GALNT9: variants seen among roughly 807,000 people sequenced by gnomAD.
GALNT9 encodes the protein polypeptide N-acetylgalactosaminyltransferase 9.
In GALNT9, 47 loss-of-function variants were observed where a neutral mutation model predicts 63.1. That is an observed-to-expected ratio of 0.75 (90% confidence interval 0.59 to 0.95). The LOEUF (loss-of-function observed/expected upper bound fraction) is 0.95. Among genes scored for constraint, GALNT9 ranks in the 40% least tolerant of loss-of-function variants. The probability of loss-of-function intolerance (pLI) is 0.00; values close to 1 mark genes in which losing one functional copy is unlikely to be tolerated. For missense variants in GALNT9, 829 were observed against 874.8 expected (o/e 0.95, Z 0.66); for synonymous variants, 396 against 365.7 (o/e 1.08, Z -0.94).
At position 132,209,391 on chromosome 12, in the gene GALNT9, A is replaced by T. The variant is rs567317076; in HGVS notation, c.1078-5701T>A. 2.3e-3 allele frequency among the ~76,000 whole-genome samples: 344 copies of T among 150,820 alleles called. 1 individual carries two copies. The highest frequency in any genetic ancestry group is 7.6e-3 in the African/African-American group (314 of 41,342). Reference sequence around the variant, plus strand: ...AAAAATAAATAAATAAATAAATAAAAAATAAAAAATTAGCTGGGCATGGTG... The same window carrying T: ...AAAAATAAATAAATAAATAAATAAATAATAAAAAATTAGCTGGGCATGGTG... On this transcript the variant is annotated intron_variant, in intron 6 of 10. Transcript: ENST00000328957.
intron 1 of GALNT9, among the ~76,000 whole-genome samples, chr12:132,312,511 C>T (rs1379913782): frequency 6.6e-6 from 1 of 152,230 alleles, no homozygotes; most frequent in Non-Finnish European, 1.5e-5. Flanking sequence ...GTTGGGCCCC[C>T]ACCCCTCCCC....
intron 1 of GALNT9, among the ~76,000 whole-genome samples, chr12:132,307,519 AT>A (rs1270988135): frequency 6.6e-6 from 1 of 152,070 alleles, no homozygotes; most frequent in Admixed American, 6.5e-5. Context: ...TGCACCCTGA[AT>A]ACAATCACCA....
At chr12:132,255,769 A>G (rs1879083986) in intron 5 of GALNT9, among the ~76,000 whole-genome samples, 1 of 152,232 alleles carries the variant, frequency 6.6e-6, no homozygotes, top group South Asian at 2.1e-4. Flanking sequence ...ATACACATCC[A>G]GCAGGCTGCA....
chr12:132,306,943 G>A (rs1366117107), intron 1 of GALNT9, among the ~76,000 whole-genome samples: 1 of 152,212 alleles, frequency 6.6e-6, no homozygotes, highest in African/African-American at 2.4e-5. Flanking sequence ...TCACAGGGGA[G>A]GAGACGGCTG....
chr12:132,271,977 A>C (rs1265864186), intron 2 of GALNT9, among the ~76,000 whole-genome samples: 1 of 152,092 alleles, frequency 6.6e-6, no homozygotes, highest in Admixed American at 6.5e-5. Flanking sequence ...ACGTTTGCCA[A>C]CTGACCAAAC....
At chr12:132,250,291 G>A (rs1593084825) in intron 5 of GALNT9, among the ~76,000 whole-genome samples, 3 of 149,702 alleles carry the variant, frequency 2.0e-5, no homozygotes, top group South Asian at 2.1e-4. Flanking sequence ...GGGGCGGGGG[G>A]AACGGGGAGT....
Position 132,252,289 on chromosome 12 carries a change from A to G in GALNT9, c.960-4262T>C, listed in dbSNP as rs938828355. Among the ~76,000 whole-genome samples the G allele has an allele frequency of 4.4e-4, 67 of 152,322 alleles. No individual in the cohort carries two copies. Among genetic ancestry groups the G allele is most frequent in the Admixed American group, 1.9e-3 (29 of 15,304 alleles). ...AGGAAGGGCAGAGAGTCCCAGGCAC[A>G]TGGGCACCTCCTGCAGCCGCATCCC... is the stretch of plus-strand genomic sequence containing the variant. On this transcript the variant is annotated intron_variant, in intron 5 of 10. Transcript: ENST00000328957. The surrounding 1 kb of genome is among the most constrained non-coding windows in gnomAD (Gnocchi z 5.2).
chr12:132,284,871 C>A (rs767065699), intron 2 of GALNT9, among the ~76,000 whole-genome samples: 1 of 152,226 alleles, frequency 6.6e-6, no homozygotes, highest in Non-Finnish European at 1.5e-5. Flanking sequence ...CAGCCCGGGG[C>A]GCTCCCTGCA....
chr12:132,198,576 C>T lies in GALNT9; in HGVS notation c.1497+598G>A, dbSNP rs1565979821. On this transcript the variant is annotated intron_variant, in intron 9 of 10. Coordinates refer to ENST00000328957, the MANE Select transcript of GALNT9 (RefSeq NM_001122636.2). ...ACTTCGCTTCAATCACGCGACAGTC[C>T]TGAGCGGTAAGTGCTGTTGCCGTCT... Among the ~76,000 whole-genome samples, 7 of 152,206 alleles carry T rather than the reference C, an allele frequency of 4.6e-5. 1 individual carries two copies. The South Asian group carries it at 1.4e-3, about 31-fold the overall frequency.
At chr12:132,295,922 A>AGAGCCTC in intron 1 of GALNT9, among the ~76,000 whole-genome samples, 6 of 71,692 alleles carry the variant, frequency 8.4e-5, no homozygotes, top group African/African-American at 4.4e-4. Flanking sequence ...CCGAACAGGG[A>AGAGCCTC]CGGCCTCCGA....
At chr12:132,280,723 G>A (rs930234964) in intron 2 of GALNT9, 1 of 152,108 alleles carries the variant, frequency 6.6e-6, no homozygotes, top group African/African-American at 2.4e-5. Flanking sequence ...AGACCCCGGG[G>A]AAGAGACCCC....
In GALNT9 at chr12:132,196,652, G is replaced by A. The variant is rs960458760; in HGVS notation, c.*455C>T. ...AGCTGCATTATGATGTGTGACTTAG[G>A]TCTTGGTTGGAGGGCTGAGCGGCCG... On this transcript the variant is annotated 3_prime_UTR_variant, in exon 11 of 11. Coordinates refer to ENST00000328957, the MANE Select transcript of GALNT9 (RefSeq NM_001122636.2). The A allele has an allele frequency of 2.0e-6, 2 of 1,000,150 alleles. No individual in the cohort carries two copies. The highest frequency in any genetic ancestry group is 1.2e-6 in the Non-Finnish European group (1 of 839,248). The allele number at this position is 1,000,150 out of a possible 1,614,324, so 62.0% of individuals were successfully genotyped here.
chr12:132,204,118 A>G (rs746357211), intron 6 of GALNT9, among the ~76,000 whole-genome samples: 2 of 151,632 alleles, frequency 1.3e-5, no homozygotes, highest in Non-Finnish European at 2.9e-5. Context: ...CCATGCAGAC[A>G]CCGCTCCACG....
chr12:132,309,810 G>A (rs1256184716), intron 1 of GALNT9, among the ~76,000 whole-genome samples: 2 of 152,218 alleles, frequency 1.3e-5, no homozygotes, highest in Non-Finnish European at 2.9e-5. Flanking sequence ...GCACAGGAGG[G>A]CAGAGAAAGA....
chr12:132,291,798 C>A (rs1880870755), intron 1 of GALNT9, among the ~76,000 whole-genome samples: 1 of 152,216 alleles, frequency 6.6e-6, no homozygotes, highest in Admixed American at 6.5e-5. Context: ...GCTTCCCCAT[C>A]CCCTCCTGTC....
In GALNT9 at chr12:132,196,395, GTATT is replaced by G; in HGVS notation, c.*708_*711del. On this transcript the variant is annotated 3_prime_UTR_variant, in exon 11 of 11. Coordinates refer to ENST00000328957, the MANE Select transcript of GALNT9 (RefSeq NM_001122636.2). ...GGTGTGGCTGGGCGCCAATAAAACTGTATTTATTAAAACAGGCAAGGGGCTGGGC... is the reference window on the plus strand; with the variant it reads ...GGTGTGGCTGGGCGCCAATAAAACTGTATTAAAACAGGCAAGGGGCTGGGC... The G allele has an allele frequency of 1.0e-6, 1 of 974,392 alleles. No homozygotes were observed. Among genetic ancestry groups the G allele is most frequent in the South Asian group, 4.7e-5 (1 of 21,084 alleles). The allele number at this position is 974,392 out of a possible 1,614,324, so 60.4% of individuals were successfully genotyped here.
In GALNT9 at chr12:132,296,719, G is replaced by T. The variant is rs1206891976; in HGVS notation, c.239-10289C>A. ...TCAAATGTGGCAATTCACAAGAAAA[G>T]ACCTTATTTCTCACACTCTGGGAGG... On this transcript the variant is annotated intron_variant, in intron 1 of 10. Transcript: ENST00000328957. This position sits in a 1 kb window ranked among gnomAD's most constrained non-coding sequence, Gnocchi z 4.2. Among the ~76,000 whole-genome samples the T allele has an allele frequency of 6.6e-6, 1 of 152,002 alleles. No homozygotes were observed. Among genetic ancestry groups the T allele is most frequent in the Non-Finnish European group, 1.5e-5 (1 of 68,016 alleles).
chr12:132,262,759 C>A, intron 2 of GALNT9, 134 bp from the exon 3 acceptor site: 2 of 1,393,960 alleles, frequency 1.4e-6, no homozygotes. Context: ...ACCCCAGGAG[C>A]CATAGCTCAT....
intron 1 of GALNT9, among the ~76,000 whole-genome samples, chr12:132,298,009 A>G (rs1031576849): frequency 6.6e-6 from 1 of 151,550 alleles, no homozygotes; most frequent in African/African-American, 2.4e-5. Context: ...GAGAAAATCA[A>G]CTCCCAAAAT....
Sources: gnomAD v4.1 joint callset for allele counts (sites outside exome capture counted in the v4.1 genomes callset) on GRCh38, gnomAD v4.1.1 for gene constraint, Gnocchi (gnomAD v3.1) non-coding constraint, MANE v1.5 for transcripts, NCBI Gene and HGNC (gene_info 2026-07-23, HGNC 2026-07-21) for gene names.